BTBD9: variants seen among roughly 807,000 people sequenced by gnomAD.
The protein encoded by BTBD9 is BTB domain containing 9.
Under a neutral mutation model 64.3 loss-of-function variants are expected in BTBD9, and 49 were observed. The ratio of observed to expected loss-of-function variants is 0.76; its 90% CI spans 0.61 to 0.97. BTBD9 has a LOEUF of 0.97. Among genes scored for constraint, BTBD9 ranks in the 50% least tolerant of loss-of-function variants. The pLI, the probability that BTBD9 is intolerant of heterozygous loss-of-function variation, is 0.00. For missense variants in BTBD9, 598 were observed against 762.1 expected (o/e 0.78, Z 2.53); for synonymous variants, 260 against 274.7 (o/e 0.95, Z 0.53).
chr6:38,303,479 T>G (rs540122093), intron 7 of BTBD9, among the ~76,000 whole-genome samples: 1 of 152,236 alleles, frequency 6.6e-6, no homozygotes, highest in South Asian at 2.1e-4. Flanking sequence ...AGAAAGATGG[T>G]AAGCCTCTGA....
intron 6 of BTBD9, among the ~76,000 whole-genome samples, chr6:38,461,225 AT>A (rs886619599): frequency 6.6e-5 from 10 of 152,186 alleles, no homozygotes; most frequent in African/African-American, 2.2e-4. Context: ...CAATTTGTTA[AT>A]TTTTGACCTG....
intron 7 of BTBD9, among the ~76,000 whole-genome samples, chr6:38,322,049 T>C (rs1052619129): frequency 6.6e-6 from 1 of 151,874 alleles, no homozygotes; most frequent in African/African-American, 2.4e-5. Context: ...GACAAAATGG[T>C]AGTTTTACAA....
At position 38,597,626 on chromosome 6, in the gene BTBD9, C is replaced by T. The variant is rs111794657; in HGVS notation, c.185+284G>A. Among the ~76,000 whole-genome samples the T allele has an allele frequency of 5.9e-3, 892 of 152,220 alleles. 22 individuals carry two copies. Among genetic ancestry groups the T allele is most frequent in the African/African-American group, 0.02 (850 of 41,532 alleles). On this transcript the variant is annotated intron_variant, in intron 2 of 10. Coordinates refer to ENST00000481247, the MANE Select transcript of BTBD9 (RefSeq NM_001099272.2). ...TACTGGGAGGAGACAGTGAGGGCAACGAAGACTTAGCCTGAGAAACATTCT... is the reference window on the plus strand; with the variant it reads ...TACTGGGAGGAGACAGTGAGGGCAATGAAGACTTAGCCTGAGAAACATTCT...
chr6:38,231,763 G>A (rs895036643), intron 9 of BTBD9, among the ~76,000 whole-genome samples: 2 of 152,202 alleles, frequency 1.3e-5, no homozygotes, highest in African/African-American at 4.8e-5. Flanking sequence ...CTAGCCGCAT[G>A]GGAGAAAGAC....
chr6:38,222,901 T>A lies in BTBD9; in HGVS notation c.1563-30304A>T, dbSNP rs941086108. On this transcript the variant is annotated intron_variant, in intron 9 of 10. Coordinates refer to ENST00000481247, the MANE Select transcript of BTBD9 (RefSeq NM_001099272.2). The stretch of plus-strand genomic sequence containing the variant: ...AACCTGAGTTTAGGGGAAGGTTTTA[T>A]TTTATTTATTTATTTATTTTTTAAG... Among the ~76,000 whole-genome samples the A allele has an allele frequency of 5.3e-5, 8 of 152,248 alleles. No homozygotes were observed. In the South Asian group the frequency reaches 1.2e-3, roughly 24 times the overall value.
chr6:38,477,092 C>A (rs949114886), intron 6 of BTBD9, among the ~76,000 whole-genome samples: 2 of 152,156 alleles, frequency 1.3e-5, no homozygotes, highest in African/African-American at 4.8e-5. Context: ...ATCACAAAGA[C>A]AGATGTCTAT....
rs556206956 is a variant in BTBD9 at position 38,266,761 on chromosome 6, GAAA to G, written c.1455-10248_1455-10246del. ...GTCCAGGCCAAACAGCCCTTGAGAA[GAAA>G]AGCATTCTTATATTTTGGAAAGTGA... On this transcript the variant is annotated intron_variant, in intron 8 of 10. Coordinates refer to ENST00000481247, the MANE Select transcript of BTBD9 (RefSeq NM_001099272.2). 5.4e-4 allele frequency among the ~76,000 whole-genome samples: 83 copies of G among 152,300 alleles called. 1 individual carries two copies. Among genetic ancestry groups the G allele is most frequent in the Admixed American group, 4.8e-3 (74 of 15,294 alleles).
intron 6 of BTBD9, among the ~76,000 whole-genome samples, chr6:38,540,354 C>G (rs951412687): frequency 6.6e-6 from 1 of 152,028 alleles, no homozygotes; most frequent in African/African-American, 2.4e-5. Flanking sequence ...ATAGGGGGTC[C>G]AATTTTATGG....
At chr6:38,195,723 A>G (rs1762255307) in intron 9 of BTBD9, among the ~76,000 whole-genome samples, 1 of 152,088 alleles carries the variant, frequency 6.6e-6, no homozygotes, top group Admixed American at 6.5e-5. Flanking sequence ...TAAATTTTTA[A>G]TTATTTTTTA....
chr6:38,479,237 C>T (rs566181453), intron 6 of BTBD9, among the ~76,000 whole-genome samples: 1 of 152,130 alleles, frequency 6.6e-6, no homozygotes. Context: ...GGTTCAGACA[C>T]ACAACCCCTC....
chr6:38,633,824 TG>T (rs748788370), intron 1 of BTBD9, among the ~76,000 whole-genome samples: 6 of 152,174 alleles, frequency 3.9e-5, no homozygotes, highest in Non-Finnish European at 8.8e-5. Flanking sequence ...ATACGCGTCA[TG>T]GCCCCATCCC....
chr6:38,177,346 C>T (rs1024721632), intron 10 of BTBD9, among the ~76,000 whole-genome samples: 1 of 152,208 alleles, frequency 6.6e-6, no homozygotes, highest in African/African-American at 2.4e-5. Context: ...GCTCTTCCCC[C>T]ACCGGCCCCG....
chr6:38,204,060 A>G (rs1762555365), intron 9 of BTBD9, among the ~76,000 whole-genome samples: 1 of 152,112 alleles, frequency 6.6e-6, no homozygotes, highest in African/African-American at 2.4e-5. Flanking sequence ...AAAAATTAAA[A>G]AAAGATAACA....
intron 6 of BTBD9, among the ~76,000 whole-genome samples, chr6:38,364,887 T>C (rs1765125656): frequency 1.3e-5 from 2 of 152,166 alleles, no homozygotes; most frequent in South Asian, 4.2e-4. Context: ...GTTCTGAGAC[T>C]TCTGGAGATC....
chr6:38,516,534 C>T (rs908763111), intron 6 of BTBD9, among the ~76,000 whole-genome samples: 12 of 152,148 alleles, frequency 7.9e-5, no homozygotes, highest in African/African-American at 2.9e-4. Context: ...GCCTGCACTG[C>T]CCAGTGTAGG....
intron 1 of BTBD9, among the ~76,000 whole-genome samples, chr6:38,633,167 C>G (rs2127534350): frequency 6.6e-6 from 1 of 152,216 alleles, no homozygotes; most frequent in South Asian, 2.1e-4. Context: ...GTAACTTTTC[C>G]TAAAACAGTA....
chr6:38,362,452 T>C (rs986916963), intron 6 of BTBD9, among the ~76,000 whole-genome samples: 4 of 152,228 alleles, frequency 2.6e-5, no homozygotes, highest in Non-Finnish European at 5.9e-5. Context: ...GGTAAACAAA[T>C]GGTAATCATT....
intron 9 of BTBD9, among the ~76,000 whole-genome samples, chr6:38,222,091 G>A (rs1763216494): frequency 6.6e-6 from 1 of 152,032 alleles, no homozygotes; most frequent in African/African-American, 2.4e-5. Context: ...ATTCATTGAA[G>A]TCCAGCCAAG....
In BTBD9 at chr6:38,254,093, G is replaced by C. The variant is rs142211437; in HGVS notation, c.1562+2316C>G. ...AGAGCAAGGCTTTTCAGAACTAGGTGTACCTTCTCTGTTCTTTCTCCTGCC... is the reference window on the plus strand; with the variant it reads ...AGAGCAAGGCTTTTCAGAACTAGGTCTACCTTCTCTGTTCTTTCTCCTGCC... On this transcript the variant is annotated intron_variant, in intron 9 of 10. Coordinates refer to ENST00000481247, the MANE Select transcript of BTBD9 (RefSeq NM_001099272.2). Among the ~76,000 whole-genome samples the C allele has an allele frequency of 1.5e-3, 232 of 150,860 alleles. 1 individual carries two copies. The highest frequency in any genetic ancestry group is 5.3e-3 in the African/African-American group (215 of 40,914).
Sources: allele counts gnomAD v4.1 joint callset (sites outside exome capture counted in the v4.1 genomes callset), GRCh38; gene constraint gnomAD v4.1.1; transcripts MANE v1.5; gene names NCBI Gene and HGNC (gene_info 2026-07-23, HGNC 2026-07-21).